Variants in LPP observed in about 807,000 individuals in gnomAD.
LPP encodes the protein LIM domain containing preferred translocation partner in lipoma.
LPP carries 38 observed loss-of-function variants against 60.4 expected under a neutral mutation model. The observed-to-expected ratio is 0.63, with a 90% confidence interval of 0.49 to 0.83. The LOEUF is 0.83. Among genes scored for constraint, LPP ranks in the 40% least tolerant of loss-of-function variants. LPP has a pLI of 0.00. For missense variants in LPP, 902 were observed against 783.6 expected (o/e 1.15, Z -1.80); for synonymous variants, 328 against 290.8 (o/e 1.13, Z -1.30).
At chr3:188,584,299 TG>T (rs1290013774) in intron 6 of LPP, 1 of 152,092 alleles carries the variant, frequency 6.6e-6, no homozygotes. Flanking sequence ...GAGTCATGGA[TG>T]AGAGAGAATT....
At chr3:188,540,198 G>A (rs1244415802) in intron 6 of LPP, among the ~76,000 whole-genome samples, 2 of 152,082 alleles carry the variant, frequency 1.3e-5, no homozygotes. Context: ...CAGTTGGTTT[G>A]CAAACTGGAC....
At chr3:188,772,552 T>C (rs1286028215) in intron 9 of LPP, among the ~76,000 whole-genome samples, 1 of 152,082 alleles carries the variant, frequency 6.6e-6, no homozygotes, top group Admixed American at 6.6e-5. Flanking sequence ...TGGAGTGCAG[T>C]GGCGCCATCT....
chr3:188,650,276 A>G (rs1276342040), intron 7 of LPP, among the ~76,000 whole-genome samples: 1 of 152,232 alleles, frequency 6.6e-6, no homozygotes, highest in African/African-American at 2.4e-5. Flanking sequence ...AATTTCTTGA[A>G]GGTGATGTCA....
chr3:188,740,716 T>C (rs1724112422), intron 8 of LPP, among the ~76,000 whole-genome samples: 1 of 151,992 alleles, frequency 6.6e-6, no homozygotes, highest in Admixed American at 6.6e-5. Flanking sequence ...CAGCAGGTTG[T>C]AAAATTCCTA....
chr3:188,360,200 G>A (rs1348831078), intron 3 of LPP, among the ~76,000 whole-genome samples: 2 of 152,120 alleles, frequency 1.3e-5, no homozygotes, highest in Non-Finnish European at 2.9e-5. Context: ...AACCCGGCCT[G>A]CATCGGAATT....
At chr3:188,449,978 T>C (rs539881387) in intron 4 of LPP, among the ~76,000 whole-genome samples, 1 of 152,140 alleles carries the variant, frequency 6.6e-6, no homozygotes, top group Non-Finnish European at 1.5e-5. Flanking sequence ...CTAATTTTTG[T>C]ATTTTTAGTA....
At chr3:188,330,863 A>AAG (rs1759839117) in intron 2 of LPP, among the ~76,000 whole-genome samples, 1 of 3,662 alleles carries the variant, frequency 2.7e-4, no homozygotes, top group Non-Finnish European at 1.5e-3. Context: ...AAGTAAGTAA[A>AAG]TAAATAAATA....
At chr3:188,872,851 A>C (rs920040604) in intron 11 of LPP, 88 bp downstream of exon 11, 1 of 1,554,028 alleles carries the variant, frequency 6.4e-7, no homozygotes, top group Non-Finnish European at 8.7e-7. Context: ...GCAATTACTA[A>C]ATCTCAGAAC....
chr3:188,576,705 G>A (rs951367507), intron 6 of LPP, among the ~76,000 whole-genome samples: 29 of 152,242 alleles, frequency 1.9e-4, no homozygotes, highest in African/African-American at 6.7e-4. Flanking sequence ...GCTACATATC[G>A]TAGGCATATT....
intron 7 of LPP, among the ~76,000 whole-genome samples, chr3:188,623,172 A>G (rs1234425721): frequency 6.6e-6 from 1 of 152,028 alleles, no homozygotes; most frequent in East Asian, 1.9e-4. Flanking sequence ...TGTAAATGCT[A>G]GGAAGCACCC....
intron 6 of LPP, among the ~76,000 whole-genome samples, chr3:188,531,260 T>C (rs911983698): frequency 3.9e-5 from 6 of 152,174 alleles, no homozygotes; most frequent in African/African-American, 1.2e-4. Flanking sequence ...ATTTTTCTAC[T>C]CCAGTTTCTG....
chr3:188,703,826 A>T (rs2149629608), intron 7 of LPP, among the ~76,000 whole-genome samples: 1 of 152,316 alleles, frequency 6.6e-6, no homozygotes, highest in African/African-American at 2.4e-5. Flanking sequence ...AATTAGATTT[A>T]TACTTGAAAT....
chr3:188,880,034 CT>C lies in LPP; in HGVS notation c.*5569del, dbSNP rs71169024. 4.7e-3 allele frequency: 679 copies of C among 144,538 alleles called. No individual in the cohort carries two copies. Among genetic ancestry groups the C allele is most frequent in the East Asian group, 0.025 (174 of 6,870 alleles). 9.0% of individuals were successfully genotyped at this position (144,538 alleles called of 1,614,324 possible). A position where few individuals can be genotyped will look rare whatever the true frequency, so the allele number is the denominator to read the frequency against. On this transcript the variant is annotated 3_prime_UTR_variant, in exon 12 of 12. Coordinates refer to ENST00000617246, the MANE Select transcript of LPP (RefSeq NM_001375462.1). ...AAAGATGCGTTTTTTTTCTTTTTTT[CT>C]TTTTTTTTTTTTTGAGACGGAGTCT...
intron 9 of LPP, among the ~76,000 whole-genome samples, chr3:188,859,094 A>T (rs1482951162): frequency 6.8e-6 from 1 of 147,440 alleles, no homozygotes; most frequent in Non-Finnish European, 1.5e-5. Context: ...GTCTTTAAAA[A>T]AAAAAAAAAA....
chr3:188,773,542 T>A (rs887366992), intron 9 of LPP, among the ~76,000 whole-genome samples: 2 of 152,190 alleles, frequency 1.3e-5, no homozygotes, highest in Non-Finnish European at 2.9e-5. Flanking sequence ...ATATCTGTCA[T>A]TTTGGAAAAG....
chr3:188,397,477 T>G (rs1781227165), intron 3 of LPP, among the ~76,000 whole-genome samples: 1 of 152,190 alleles, frequency 6.6e-6, no homozygotes, highest in Non-Finnish European at 1.5e-5. Context: ...GTTCCGTCCT[T>G]AACCTTCTCT....
intron 2 of LPP, among the ~76,000 whole-genome samples, chr3:188,251,008 T>TC (rs1245810465): frequency 9.2e-5 from 3 of 32,586 alleles, no homozygotes; most frequent in Admixed American, 4.6e-4. Flanking sequence ...CCCCCTGCCC[T>TC]CCCCCCCGCC....
chr3:188,394,841 A>G (rs1205390937), intron 3 of LPP, among the ~76,000 whole-genome samples: 1 of 152,184 alleles, frequency 6.6e-6, no homozygotes, highest in Non-Finnish European at 1.5e-5. Flanking sequence ...AAATCTTGAA[A>G]TAAAAGTGGA....
chr3:188,754,134 A>C (rs1729345451), intron 8 of LPP, among the ~76,000 whole-genome samples: 2 of 152,296 alleles, frequency 1.3e-5, no homozygotes, highest in South Asian at 2.1e-4. Flanking sequence ...TGGATTCTAT[A>C]TTGTCTAAGG....
Sources: allele counts gnomAD v4.1 joint callset (sites outside exome capture counted in the v4.1 genomes callset), GRCh38; gene constraint gnomAD v4.1.1; transcripts MANE v1.5; gene names NCBI Gene and HGNC (gene_info 2026-07-23, HGNC 2026-07-21).